Variants in AGAP1 observed in about 807,000 individuals in gnomAD.
The protein encoded by AGAP1 is arf-GAP with GTPase, ANK repeat and PH domain-containing protein 1.
A neutral mutation model predicts 105.3 loss-of-function variants in AGAP1; 29 were observed. The observed-to-expected ratio is 0.28, with a 90% CI of 0.21 to 0.38. The LOEUF (loss-of-function observed/expected upper bound fraction) is 0.38. Ranked by LOEUF, AGAP1 falls within the 10% of genes least tolerant of loss-of-function variation. The pLI is 1.00. For missense variants in AGAP1, 998 were observed against 1,165.1 expected (o/e 0.86, Z 2.09); for synonymous variants, 509 against 485.9 (o/e 1.05, Z -0.63).
Position 235,799,477 on chromosome 2 carries a change from C to T in AGAP1, c.912C>T (p.Pro304=). The part of the protein sequence containing the change: ...RIDVPPTANT[P]TPVRKQSKRR... ...ATGTTCCTCCCACTGCCAACACGCC[C>T]ACGCCCGTTCGCAAGCAGTCTAAGC... The change falls in exon 8 of 18, where the codon CCC becomes CCT. Residue 304 remains proline, a synonymous_variant. Coordinates refer to ENST00000304032, the MANE Select transcript of AGAP1 (RefSeq NM_001037131.3). This position sits in a 1 kb window ranked among gnomAD's most constrained non-coding sequence, Gnocchi z 5.0. 2 of 1,614,214 alleles carry T rather than the reference C, an allele frequency of 1.2e-6. No homozygotes were observed. The highest frequency in any genetic ancestry group is 1.1e-5 in the South Asian group (1 of 91,080).
chr2:236,094,906 A>G (rs897242381), intron 16 of AGAP1, among the ~76,000 whole-genome samples: 1 of 137,368 alleles, frequency 7.3e-6, no homozygotes, highest in Non-Finnish European at 1.6e-5. Flanking sequence ...GCATCACAGC[A>G]AGAGACCCCA....
rs944866584 is a variant in AGAP1 at position 236,035,594 on chromosome 2, A to G, written c.1646-967A>G. ...AGCTGTGATTGCACCATGGCACTCC[A>G]GCTTGGACAACAAAGTGGGACTCCA... On this transcript the variant is annotated intron_variant, in intron 13 of 17. Transcript: ENST00000304032. This position sits in a 1 kb window ranked among gnomAD's most constrained non-coding sequence, Gnocchi z 4.2. Among the ~76,000 whole-genome samples the G allele has an allele frequency of 6.6e-6, 1 of 152,170 alleles. No homozygotes were observed. Among genetic ancestry groups the G allele is most frequent in the Non-Finnish European group, 1.5e-5 (1 of 68,046 alleles).
At chr2:235,920,451 G>GTT (rs1004024439) in intron 11 of AGAP1, among the ~76,000 whole-genome samples, 1 of 151,922 alleles carries the variant, frequency 6.6e-6, no homozygotes, top group Non-Finnish European at 1.5e-5. Context: ...CAGGGTTGTT[G>GTT]TTTTTTTTCT....
At position 236,012,764 on chromosome 2, in the gene AGAP1, A is replaced by AATTATTATTATT. The variant is rs35595393; in HGVS notation, c.1646-23781_1646-23770dup. Among the ~76,000 whole-genome samples, 110 of 148,790 alleles carry AATTATTATTATT rather than the reference A, an allele frequency of 7.4e-4. No individual in the cohort carries two copies. The highest frequency in any genetic ancestry group is 2.6e-3 in the African/African-American group (105 of 40,466). ...CTAGTTTAGAGGTTGTTTCTTACTA[A>AATTATTATTATT]ATTATTATTATTATTATTATTATTA... is the stretch of plus-strand genomic sequence containing the variant. On this transcript the variant is annotated intron_variant, in intron 13 of 17. Coordinates refer to ENST00000304032, the MANE Select transcript of AGAP1 (RefSeq NM_001037131.3). This position sits in a 1 kb window ranked among gnomAD's most constrained non-coding sequence, Gnocchi z 4.9.
At chr2:235,647,470 C>T (rs1477526583) in intron 1 of AGAP1, among the ~76,000 whole-genome samples, 1 of 152,134 alleles carries the variant, frequency 6.6e-6, no homozygotes, top group Admixed American at 6.5e-5. Context: ...TCACTGCAGC[C>T]TCAGACTCCC....
rs535832755 is a variant in AGAP1 at position 235,752,790 on chromosome 2, G to A, written c.673+2302G>A. Among the ~76,000 whole-genome samples, 9 of 152,194 alleles carry A rather than the reference G, an allele frequency of 5.9e-5. No individual in the cohort carries two copies. The highest frequency in any genetic ancestry group is 8.8e-5 in the Non-Finnish European group (6 of 68,040). ...ATAATGTTGTCAATTAATGAATACT[G>A]GGGGTTGTCAGGATGATGCTGCCTT... On this transcript the variant is annotated intron_variant, in intron 6 of 17. Coordinates refer to ENST00000304032, the MANE Select transcript of AGAP1 (RefSeq NM_001037131.3). The surrounding 1 kb of genome is among the most constrained non-coding windows in gnomAD (Gnocchi z 4.3).
At chr2:235,844,926 T>C (rs775874790) in intron 9 of AGAP1, among the ~76,000 whole-genome samples, 1 of 152,200 alleles carries the variant, frequency 6.6e-6, no homozygotes, top group South Asian at 2.1e-4. Context: ...CCCATCACAC[T>C]GGGTAATGAT....
At position 235,754,147 on chromosome 2, in the gene AGAP1, G is replaced by A. The variant is rs1575337857; in HGVS notation, c.673+3659G>A. On this transcript the variant is annotated intron_variant, in intron 6 of 17. Coordinates refer to ENST00000304032, the MANE Select transcript of AGAP1 (RefSeq NM_001037131.3). This position sits in a 1 kb window ranked among gnomAD's most constrained non-coding sequence, Gnocchi z 4.6. ...AGAGCCTCGACTTAACCACAGCACC[G>A]GGACATTTTGTCATTAAAATGGAAG... is the stretch of plus-strand genomic sequence containing the variant. 2.0e-5 allele frequency among the ~76,000 whole-genome samples: 3 copies of A among 152,214 alleles called. No homozygotes were observed. The highest frequency in any genetic ancestry group is 2.1e-4 in the South Asian group (1 of 4,820).
chr2:235,619,156 A>G (rs187431292), intron 1 of AGAP1, among the ~76,000 whole-genome samples: 44 of 152,298 alleles, frequency 2.9e-4, no homozygotes, highest in South Asian at 1.5e-3. Context: ...CTTGGATGTA[A>G]GGTAAGAAAT....
chr2:235,501,539 G>A (rs1941562325), intron 1 of AGAP1, among the ~76,000 whole-genome samples: 2 of 152,146 alleles, frequency 1.3e-5, no homozygotes, highest in South Asian at 4.1e-4. Context: ...AGAAGCAGTG[G>A]GGGCAGCTGC....
Position 235,740,857 on chromosome 2 carries a change from A to G in AGAP1, c.311-106A>G. 1 of 1,336,038 alleles carries G rather than the reference A, an allele frequency of 7.5e-7. No individual in the cohort carries two copies. Among genetic ancestry groups the G allele is most frequent in the Non-Finnish European group, 1.0e-6 (1 of 954,282 alleles). 82.8% of individuals were successfully genotyped at this position (1,336,038 alleles called of 1,614,324 possible). On this transcript the variant is annotated intron_variant, in intron 3 of 17. Coordinates refer to ENST00000304032, the MANE Select transcript of AGAP1 (RefSeq NM_001037131.3). This position sits in a 1 kb window ranked among gnomAD's most constrained non-coding sequence, Gnocchi z 5.7. ...ACATCCTAAATACTCAGTTGCCTCC[A>G]GGGCGACAGCCTAGGGTGTATTTTT...
chr2:235,809,663 C>T (rs1245736487), intron 9 of AGAP1, among the ~76,000 whole-genome samples: 1 of 152,144 alleles, frequency 6.6e-6, no homozygotes, highest in Non-Finnish European at 1.5e-5. Context: ...TGTGGGTTTG[C>T]AGACGGTTGT....
chr2:236,016,036 G>GA (rs1039330332), intron 13 of AGAP1, among the ~76,000 whole-genome samples: 2 of 82,586 alleles, frequency 2.4e-5, no homozygotes, highest in Non-Finnish European at 4.4e-5. Context: ...TCTCAGCCAG[G>GA]AAAAAAAAGA....
At chr2:236,115,945 C>T (rs1352850339) in intron 16 of AGAP1, among the ~76,000 whole-genome samples, 1 of 151,888 alleles carries the variant, frequency 6.6e-6, no homozygotes, top group African/African-American at 2.4e-5. Flanking sequence ...GCTAGGACTA[C>T]AGGTGTGTGC....
At chr2:235,706,463 C>T (rs1189607309) in intron 1 of AGAP1, among the ~76,000 whole-genome samples, 3 of 152,158 alleles carry the variant, frequency 2.0e-5, no homozygotes, top group African/African-American at 4.8e-5. Context: ...CTCCTGACCT[C>T]GTGATCCGCC....
rs1278189881 is a variant in AGAP1, at chr2:235,663,365, GC to G, written c.164-45813del. The stretch of plus-strand genomic sequence containing the variant: ...TCCCTCTGCTGAGATGGGAGCAGCA[GC>G]GTGGGGTTGGGCTTTGAACTGGCAT... On this transcript the variant is annotated intron_variant, in intron 1 of 17. Coordinates refer to ENST00000304032, the MANE Select transcript of AGAP1 (RefSeq NM_001037131.3). The surrounding 1 kb of genome is among the most constrained non-coding windows in gnomAD (Gnocchi z 5.4). 6.6e-6 allele frequency among the ~76,000 whole-genome samples: 1 copy of G among 152,210 alleles called. No homozygotes were observed. Among genetic ancestry groups the G allele is most frequent in the Non-Finnish European group, 1.5e-5 (1 of 68,032 alleles).
Position 235,953,232 on chromosome 2 carries a change from A to G in AGAP1, c.1484-15230A>G, listed in dbSNP as rs2053814989. Among the ~76,000 whole-genome samples, 1 of 152,238 alleles carries G rather than the reference A, an allele frequency of 6.6e-6. No individual in the cohort carries two copies. The highest frequency in any genetic ancestry group is 1.5e-5 in the Non-Finnish European group (1 of 68,028). On this transcript the variant is annotated intron_variant, in intron 12 of 17. Transcript: ENST00000304032. This position sits in a 1 kb window ranked among gnomAD's most constrained non-coding sequence, Gnocchi z 5.2. ...GTTTACAAAATATTTCTATGAGGACAGATAAGGGGGAATGAATTTTGCAAA... is the reference window on the plus strand; with the variant it reads ...GTTTACAAAATATTTCTATGAGGACGGATAAGGGGGAATGAATTTTGCAAA...
In AGAP1 at chr2:235,877,153, T is replaced by G. The variant is rs1488439982; in HGVS notation, c.1051-6192T>G. On this transcript the variant is annotated intron_variant, in intron 9 of 17. Coordinates refer to ENST00000304032, the MANE Select transcript of AGAP1 (RefSeq NM_001037131.3). The surrounding 1 kb of genome is among the most constrained non-coding windows in gnomAD (Gnocchi z 4.3). Reference sequence around the variant, plus strand: ...AGCCACCACGCCCTGCCAGAGCCATTTAAAAGAACAAAAATCTCATGAATC... The same window carrying G: ...AGCCACCACGCCCTGCCAGAGCCATGTAAAAGAACAAAAATCTCATGAATC... Among the ~76,000 whole-genome samples the G allele has an allele frequency of 6.6e-6, 1 of 152,092 alleles. No individual in the cohort carries two copies. Among genetic ancestry groups the G allele is most frequent in the Non-Finnish European group, 1.5e-5 (1 of 68,012 alleles).
chr2:235,526,985 T>C (rs938644455), intron 1 of AGAP1, among the ~76,000 whole-genome samples: 1 of 152,218 alleles, frequency 6.6e-6, no homozygotes, highest in Non-Finnish European at 1.5e-5. Context: ...CATTCTAGTC[T>C]TGTTTTTCTT....
Sources: gnomAD v4.1 joint callset for allele counts (sites outside exome capture counted in the v4.1 genomes callset) on GRCh38, gnomAD v4.1.1 for gene constraint, Gnocchi (gnomAD v3.1) non-coding constraint, MANE v1.5 for transcripts, NCBI Gene and HGNC (gene_info 2026-07-23, HGNC 2026-07-21) for gene names.